The following SIX1 variants were observed in gnomAD, a reference collection of about 807,000 sequenced individuals.
The protein encoded by SIX1 is homeobox protein SIX1.
SIX1 carries 11 observed loss-of-function variants against 26.5 expected under a neutral mutation model. The ratio of observed to expected loss-of-function variants is 0.41; its 90% CI spans 0.26 to 0.69. The LOEUF (loss-of-function observed/expected upper bound fraction) is 0.69, where lower values mean the gene tolerates loss of function less well. SIX1 is among the 30% of genes least tolerant of loss of function. SIX1 has a pLI of 0.28. For synonymous variants in SIX1, 177 were observed against 166.2 expected, an observed-to-expected ratio of 1.06 and a Z score of -0.50; for missense variants, 333 against 365.9, an observed-to-expected ratio of 0.91 and a Z score of 0.73.
Position 60,648,976 on chromosome 14 carries a change from T to G in SIX1, c.214A>C (p.Ser72Arg). 6.2e-7 allele frequency: 1 copy of G among 1,614,138 alleles called. No individual in the cohort carries two copies. Among genetic ancestry groups the G allele is most frequent in the Non-Finnish European group, 8.5e-7 (1 of 1,180,008 alleles). The part of the protein sequence containing the change: ...NFRELYKILE[S>R]HQFSPHNHPK... ...TGGTTGTGAGGCGAGAACTGGTGGC[T>G]CTCCAGGATCTTGTAGAGCTCACGG... The change falls in exon 1 of 2, where the codon AGC becomes CGC. Residue 72 changes from serine to arginine, a missense_variant. Coordinates refer to ENST00000645694, the MANE Select transcript of SIX1 (RefSeq NM_005982.4). The surrounding 1 kb of genome is among the most constrained non-coding windows in gnomAD (Gnocchi z 7.9).
Position 60,649,405 on chromosome 14 carries a change from C to G in SIX1, c.-216G>C. 1.7e-6 allele frequency: 1 copy of G among 573,732 alleles called. No individual in the cohort carries two copies. The highest frequency in any genetic ancestry group is 3.1e-6 in the Non-Finnish European group (1 of 321,842). The allele number at this position is 573,732 out of a possible 1,614,324, so 35.5% of individuals were successfully genotyped here. On this transcript the variant is annotated 5_prime_UTR_variant, in exon 1 of 2. Coordinates refer to ENST00000645694, the MANE Select transcript of SIX1 (RefSeq NM_005982.4). This position sits in a 1 kb window ranked among gnomAD's most constrained non-coding sequence, Gnocchi z 5.1. ...GGTTCTGGACACGGAACGGCCGGCG[C>G]ACTCAGTAGCCTTTAAGGCCTTGCT...
In SIX1 at chr14:60,648,726, C is replaced by G; in HGVS notation, c.464G>C (p.Arg155Pro). 1 of 1,613,552 alleles carries G rather than the reference C, an allele frequency of 6.2e-7. No homozygotes were observed. Among genetic ancestry groups the G allele is most frequent in the Non-Finnish European group, 8.5e-7 (1 of 1,179,542 alleles). Residue 155 changes from arginine to proline, a missense_variant, in exon 1 of 2, where the codon CGG becomes CCG. By Grantham distance (103) the Arg-to-Pro change is moderately radical. Around this residue, in one of 3 missense-constraint regions of SIX1, gnomAD observed 199 missense variants for 215.2 expected, o/e 0.92. Transcript: ENST00000645694. This position sits in a 1 kb window ranked among gnomAD's most constrained non-coding sequence, Gnocchi z 7.9. ...HNPYPSPREKRELAEATGLTT... is the reference protein window; with the variant it reads ...HNPYPSPREKPELAEATGLTT... ...GAGGCCGGTGGCCTCGGCCAGCTCC[C>G]GCTTCTCACGCGGCGATGGGTAGGG...
In SIX1 at chr14:60,649,243, C is replaced by G. The variant is rs1355336732; in HGVS notation, c.-54G>C. On this transcript the variant is annotated 5_prime_UTR_variant, in exon 1 of 2. Coordinates refer to ENST00000645694, the MANE Select transcript of SIX1 (RefSeq NM_005982.4). The surrounding 1 kb of genome is among the most constrained non-coding windows in gnomAD (Gnocchi z 5.1). ...AGGCGCACGCGGCAGGGAGCAGAGC[C>G]GAGAGGCAGGGGGCGGCGGCCGCAG... The G allele has an allele frequency of 2.6e-6, 4 of 1,550,566 alleles. No individual in the cohort carries two copies. Among genetic ancestry groups the G allele is most frequent in the Non-Finnish European group, 3.5e-6 (4 of 1,145,430 alleles).
Position 60,648,731 on chromosome 14 carries a change from C to T in SIX1, c.459G>A (p.Glu153=). The change falls in exon 1 of 2, where the codon GAG becomes GAA. Residue 153 remains glutamate (E), a synonymous_variant. Transcript: ENST00000645694. This position sits in a 1 kb window ranked among gnomAD's most constrained non-coding sequence, Gnocchi z 7.9. The stretch of plus-strand genomic sequence containing the variant: ...CGGTGGCCTCGGCCAGCTCCCGCTT[C>T]TCACGCGGCGATGGGTAGGGATTGT... ...YAHNPYPSPR[E]KRELAEATGL... The T allele has an allele frequency of 2.5e-6, 4 of 1,613,592 alleles. No individual in the cohort carries two copies. Among genetic ancestry groups the T allele is most frequent in the Non-Finnish European group, 3.4e-6 (4 of 1,179,544 alleles).
In SIX1 at chr14:60,647,068, G is replaced by A. The variant is rs1894957583; in HGVS notation, c.561-491C>T. Among the ~76,000 whole-genome samples the A allele has an allele frequency of 1.3e-5, 2 of 152,156 alleles. No individual in the cohort carries two copies. Among genetic ancestry groups the A allele is most frequent in the South Asian group, 4.2e-4 (2 of 4,816 alleles). ...GTCCATTGCCTTGTTCGCATATGAGGAGACAATTAAACATCCCGTTTTCCT... is the reference window on the plus strand; with the variant it reads ...GTCCATTGCCTTGTTCGCATATGAGAAGACAATTAAACATCCCGTTTTCCT... On this transcript the variant is annotated intron_variant, in intron 1 of 1. Transcript: ENST00000645694. The surrounding 1 kb of genome is among the most constrained non-coding windows in gnomAD (Gnocchi z 5.1).
Position 60,649,009 on chromosome 14 carries a change from C to G in SIX1, c.181G>C (p.Gly61Arg). 2 of 1,613,932 alleles carry G rather than the reference C, an allele frequency of 1.2e-6. No homozygotes were observed. Among genetic ancestry groups the G allele is most frequent in the Non-Finnish European group, 1.7e-6 (2 of 1,180,000 alleles). Residue 61 changes from glycine to arginine, a missense_variant, in exon 1 of 2, where the codon GGC becomes CGC. Transcript: ENST00000645694. This position sits in a 1 kb window ranked among gnomAD's most constrained non-coding sequence, Gnocchi z 5.1. ...KAKAVVAFHR[G>R]NFRELYKILE... ...ATCTTGTAGAGCTCACGGAAGTTGCCGCGGTGGAAGGCGACCACCGCCTTG... is the reference window on the plus strand; with the variant it reads ...ATCTTGTAGAGCTCACGGAAGTTGCGGCGGTGGAAGGCGACCACCGCCTTG...
rs1208789227 is a variant in SIX1 at position 60,643,622 on chromosome 14, CGAGGGAAGAAAAAAATA to C, written c.*2644_*2660del. ...AACAGCTGGTTCTCGAAGATTTCCT[CGAGGGAAGAAAAAAATA>C]TGGTTAGTTTCCCCTAATGATCTCT... On this transcript the variant is annotated 3_prime_UTR_variant, in exon 2 of 2. Coordinates refer to ENST00000645694, the MANE Select transcript of SIX1 (RefSeq NM_005982.4). 2 of 151,826 alleles carry C rather than the reference CGAGGGAAGAAAAAAATA, an allele frequency of 1.3e-5. No homozygotes were observed. Among genetic ancestry groups the C allele is most frequent in the African/African-American group, 4.8e-5 (2 of 41,348 alleles). 9.4% of individuals were successfully genotyped at this position (151,826 alleles called of 1,614,324 possible). A position where few individuals can be genotyped will look rare whatever the true frequency, so the allele number is the denominator to read the frequency against.
At position 60,648,958 on chromosome 14, in the gene SIX1, G is replaced by A; in HGVS notation, c.232C>T (p.His78Tyr). 1.9e-6 allele frequency: 3 copies of A among 1,614,226 alleles called. No individual in the cohort carries two copies. The highest frequency in any genetic ancestry group is 2.5e-6 in the Non-Finnish European group (3 of 1,180,034). ...KILESHQFSP[H>Y]NHPKLQQLWL... is the part of the protein sequence containing the mutation. Reference sequence around the variant, plus strand: ...AGTTGCTGCAGTTTGGGGTGGTTGTGAGGCGAGAACTGGTGGCTCTCCAGG... The same window carrying A: ...AGTTGCTGCAGTTTGGGGTGGTTGTAAGGCGAGAACTGGTGGCTCTCCAGG... The change falls in exon 1 of 2, where the codon CAC becomes TAC. Residue 78 changes from histidine to tyrosine, a missense_variant. His to Tyr is a moderately conservative substitution (Grantham distance 83). Around this residue, in one of 3 missense-constraint regions of SIX1, gnomAD observed 133 missense variants for 131.8 expected, o/e 1.01. Coordinates refer to ENST00000645694, the MANE Select transcript of SIX1 (RefSeq NM_005982.4). This position sits in a 1 kb window ranked among gnomAD's most constrained non-coding sequence, Gnocchi z 7.9.
chr14:60,648,840 A>T lies in SIX1; in HGVS notation c.350T>A (p.Leu117Gln). The T allele has an allele frequency of 6.2e-7, 1 of 1,614,202 alleles. No individual in the cohort carries two copies. Among genetic ancestry groups the T allele is most frequent in the Non-Finnish European group, 8.5e-7 (1 of 1,180,026 alleles). Reference sequence around the variant, plus strand: ...CTCGCCGTCCCAGATGGTGCGCGGCAGTGGAAATTTTCGGCGCACCCGATA... The same window carrying T: ...CTCGCCGTCCCAGATGGTGCGCGGCTGTGGAAATTTTCGGCGCACCCGATA... ...GKYRVRRKFP[L>Q]PRTIWDGEET... The change falls in exon 1 of 2, where the codon CTG becomes CAG. Residue 117 changes from leucine (L) to glutamine (Q), a missense_variant. Transcript: ENST00000645694. This position sits in a 1 kb window ranked among gnomAD's most constrained non-coding sequence, Gnocchi z 7.9.
Position 60,648,536 on chromosome 14 carries a change from G to T in SIX1, c.560+94C>A. ...TGGACGGGCTCCGGCCGGCGGGGAG[G>T]ACTTGGTGGCTGGTGCCTGCGGGGG... is the stretch of plus-strand genomic sequence containing the variant. On this transcript the variant is annotated intron_variant, in intron 1 of 1. Transcript: ENST00000645694. The surrounding 1 kb of genome is among the most constrained non-coding windows in gnomAD (Gnocchi z 7.9). 1 of 1,295,134 alleles carries T rather than the reference G, an allele frequency of 7.7e-7. No individual in the cohort carries two copies. Among genetic ancestry groups the T allele is most frequent in the Non-Finnish European group, 1.1e-6 (1 of 926,526 alleles). The allele number at this position is 1,295,134 out of a possible 1,614,324, so 80.2% of individuals were successfully genotyped here. A position where few individuals can be genotyped will look rare whatever the true frequency, so the allele number is the denominator to read the frequency against.
In SIX1 at chr14:60,649,398, G is replaced by C; in HGVS notation, c.-209C>G. On this transcript the variant is annotated 5_prime_UTR_variant, in exon 1 of 2. Coordinates refer to ENST00000645694, the MANE Select transcript of SIX1 (RefSeq NM_005982.4). The surrounding 1 kb of genome is among the most constrained non-coding windows in gnomAD (Gnocchi z 5.1). ...TAGGGGAGGTTCTGGACACGGAACG[G>C]CCGGCGCACTCAGTAGCCTTTAAGG... 1.0e-5 allele frequency: 6 copies of C among 576,870 alleles called. No individual in the cohort carries two copies. The highest frequency in any genetic ancestry group is 1.9e-5 in the Non-Finnish European group (6 of 324,096). The allele number at this position is 576,870 out of a possible 1,614,324, so 35.7% of individuals were successfully genotyped here. A position where few individuals can be genotyped will look rare whatever the true frequency, so the allele number is the denominator to read the frequency against.
Position 60,649,228 on chromosome 14 carries a change from G to T in SIX1, c.-39C>A, listed in dbSNP as rs772231645. The T allele has an allele frequency of 2.5e-6, 4 of 1,588,118 alleles. No homozygotes were observed. The highest frequency in any genetic ancestry group is 1.7e-5 in the Admixed American group (1 of 58,734). ...CGGGGCGCACGGCCCAGGCGCACGC[G>T]GCAGGGAGCAGAGCCGAGAGGCAGG... On this transcript the variant is annotated 5_prime_UTR_variant, in exon 1 of 2. Coordinates refer to ENST00000645694, the MANE Select transcript of SIX1 (RefSeq NM_005982.4). The surrounding 1 kb of genome is among the most constrained non-coding windows in gnomAD (Gnocchi z 5.1).
chr14:60,646,637 TA>T (rs901773702), intron 1 of SIX1, 60 bp from the exon 2 acceptor site: 1,716 of 1,261,420 alleles, frequency 1.4e-3, no homozygotes, highest in Middle Eastern at 1.5e-3. Context: ...AAAAGTAGGT[TA>T]AAAAAAAAGT....
Position 60,646,325 on chromosome 14 carries a change from C to G in SIX1, c.813G>C (p.Leu271=). The G allele has an allele frequency of 6.2e-7, 1 of 1,613,684 alleles. No homozygotes were observed. Among genetic ancestry groups the G allele is most frequent in the Non-Finnish European group, 8.5e-7 (1 of 1,179,796 alleles). Residue 271 remains leucine, a synonymous_variant, in exon 2 of 2, where the codon CTG becomes CTC. Coordinates refer to ENST00000645694, the MANE Select transcript of SIX1 (RefSeq NM_005982.4). Reference sequence around the variant, plus strand: ...CCAGACTGGAGGTGAGGGGGCCGAGCAGAGAGTCTTGGAGCTGATGCTGGT... The same window carrying G: ...CCAGACTGGAGGTGAGGGGGCCGAGGAGAGAGTCTTGGAGCTGATGCTGGT... ...QTHQHQLQDS[L]LGPLTSSLVD...
Position 60,649,046 on chromosome 14 carries a change from G to A in SIX1, c.144C>T (p.Ser48=). The A allele has an allele frequency of 1.2e-6, 2 of 1,613,884 alleles. No individual in the cohort carries two copies. The highest frequency in any genetic ancestry group is 1.7e-6 in the Non-Finnish European group (2 of 1,179,988). ...PACDHLHKNE[S]VLKAKAVVAF... ...CGACCACCGCCTTGGCCTTGAGTAC[G>A]CTCTCGTTCTTGTGCAGGTGGTCGC... Residue 48 remains serine (S), a synonymous_variant, in exon 1 of 2, where the codon AGC becomes AGT. Coordinates refer to ENST00000645694, the MANE Select transcript of SIX1 (RefSeq NM_005982.4). This position sits in a 1 kb window ranked among gnomAD's most constrained non-coding sequence, Gnocchi z 5.1.
In SIX1 at chr14:60,648,695, G is replaced by T. The variant is rs1181935324; in HGVS notation, c.495C>A (p.Thr165=). The change falls in exon 1 of 2, where the codon ACC becomes ACA. Residue 165 remains threonine (T), a synonymous_variant. Coordinates refer to ENST00000645694, the MANE Select transcript of SIX1 (RefSeq NM_005982.4). The surrounding 1 kb of genome is among the most constrained non-coding windows in gnomAD (Gnocchi z 7.9). The stretch of plus-strand genomic sequence containing the variant: ...TCTTAAACCAGTTGCTGACCTGGGT[G>T]GTGGTGAGGCCGGTGGCCTCGGCCA... ...RELAEATGLT[T]TQVSNWFKNR... is the part of the protein sequence containing the mutation. The T allele has an allele frequency of 1.9e-6, 3 of 1,614,002 alleles. No homozygotes were observed. The highest frequency in any genetic ancestry group is 1.3e-5 in the African/African-American group (1 of 74,946).
chr14:60,648,213 G>A lies in SIX1; in HGVS notation c.560+417C>T, dbSNP rs1469130400. Among the ~76,000 whole-genome samples the A allele has an allele frequency of 6.6e-6, 1 of 152,096 alleles. No homozygotes were observed. The highest frequency in any genetic ancestry group is 1.5e-5 in the Non-Finnish European group (1 of 68,006). ...TGTCTCAGGCCAGCTTCACCCCTCT[G>A]GGGAGCAAGAGGAGAGAGGTTCGCG... On this transcript the variant is annotated intron_variant, in intron 1 of 1. Transcript: ENST00000645694. The surrounding 1 kb of genome is among the most constrained non-coding windows in gnomAD (Gnocchi z 7.9).
At position 60,646,280 on chromosome 14, in the gene SIX1, C is replaced by G; in HGVS notation, c.*3G>C. On this transcript the variant is annotated 3_prime_UTR_variant, in exon 2 of 2. Transcript: ENST00000645694. ...TCCCTTCGAGGCCCCAGTCCCTCCC[C>G]ACTTAGGACCCCAAGTCCACCAGAC... The G allele has an allele frequency of 1.2e-6, 2 of 1,611,674 alleles. No homozygotes were observed. Among genetic ancestry groups the G allele is most frequent in the Non-Finnish European group, 1.7e-6 (2 of 1,178,932 alleles).
Position 60,646,591 on chromosome 14 carries a change from GACA to G in SIX1, c.561-17_561-15del. ...TCGGTGTTCTCCCTAAGAAATAGAG[GACA>G]ACACCATATGGTTAAAAAAAAAAAA... On this transcript the variant is annotated splice_polypyrimidine_tract_variant and intron_variant, in intron 1 of 1. Coordinates refer to ENST00000645694, the MANE Select transcript of SIX1 (RefSeq NM_005982.4). The G allele has an allele frequency of 2.1e-6, 3 of 1,452,292 alleles. No homozygotes were observed. The highest frequency in any genetic ancestry group is 2.8e-6 in the Non-Finnish European group (3 of 1,057,988). The allele number at this position is 1,452,292 out of a possible 1,614,324, so 90.0% of individuals were successfully genotyped here.
Sources: allele counts gnomAD v4.1 joint callset (sites outside exome capture counted in the v4.1 genomes callset), GRCh38; gene constraint gnomAD v4.1.1; regional missense constraint gnomAD v4.1.1; non-coding constraint Gnocchi (gnomAD v3.1); transcripts MANE v1.5; gene names NCBI Gene and HGNC (gene_info 2026-07-23, HGNC 2026-07-21).